The following CNTLN variants were observed in gnomAD, a reference collection of about 807,000 sequenced individuals.
CNTLN encodes centlein, also known as centlein, centrosomal protein.
CNTLN carries 212 observed loss-of-function variants against 180.0 expected under a neutral mutation model. That is an observed-to-expected ratio of 1.18 (90% CI 1.05 to 1.32). The LOEUF (loss-of-function observed/expected upper bound fraction) is 1.32. Ranked by LOEUF, CNTLN falls within the 40% of genes most tolerant of loss-of-function variation. The pLI, the probability that CNTLN is intolerant of heterozygous loss-of-function variation, is 0.00. For synonymous variants in CNTLN, 722 were observed against 563.1 expected (o/e 1.28, Z -3.99); for missense variants, 2,095 against 1,610.9 (o/e 1.30, Z -5.14).
intron 6 of CNTLN, among the ~76,000 whole-genome samples, chr9:17,294,427 T>TC (rs148377579): frequency 0.47 from 71,649 of 151,334 alleles, 18,153 homozygotes; most frequent in African/African-American, 0.66. Context: ...GTTCTCCAAG[T>TC]CCCACTAGAT....
intron 10 of CNTLN, among the ~76,000 whole-genome samples, chr9:17,333,441 C>A (rs2133134539): frequency 6.6e-6 from 1 of 152,088 alleles, no homozygotes; most frequent in Non-Finnish European, 1.5e-5. Context: ...GAAGTTTAAT[C>A]ATATAATTCT....
At chr9:17,294,723 G>C in intron 6 of CNTLN, among the ~76,000 whole-genome samples, 1 of 136,622 alleles carries the variant, frequency 7.3e-6, no homozygotes, top group South Asian at 2.7e-4. Context: ...CGTGGAGCAG[G>C]GGGCAGAGCT....
At chr9:17,224,807 A>G (rs58125347) in intron 2 of CNTLN, among the ~76,000 whole-genome samples, 15,812 of 151,186 alleles carry the variant, frequency 0.1, 1,237 homozygotes, top group African/African-American at 0.22. Flanking sequence ...CTTTTTCATT[A>G]TATTTGGTTA....
At chr9:17,302,796 G>C (rs1028536527) in intron 7 of CNTLN, among the ~76,000 whole-genome samples, 1 of 152,080 alleles carries the variant, frequency 6.6e-6, no homozygotes, top group African/African-American at 2.4e-5. Flanking sequence ...TGAAAAATGT[G>C]GAGAAACAAA....
At chr9:17,257,023 T>C (rs1045250930) in intron 5 of CNTLN, among the ~76,000 whole-genome samples, 1 of 151,992 alleles carries the variant, frequency 6.6e-6, no homozygotes, top group African/African-American at 2.4e-5. Context: ...ATGTGCACAT[T>C]GTGCAGGTTA....
chr9:17,428,396 A>T (rs1829221480), intron 18 of CNTLN, among the ~76,000 whole-genome samples: 1 of 152,190 alleles, frequency 6.6e-6, no homozygotes, highest in African/African-American at 2.4e-5. Flanking sequence ...TTTTCACAAC[A>T]TCCCTGTGAG....
At chr9:17,400,378 C>G (rs1192908189) in intron 15 of CNTLN, among the ~76,000 whole-genome samples, 1 of 152,146 alleles carries the variant, frequency 6.6e-6, no homozygotes, top group Non-Finnish European at 1.5e-5. Flanking sequence ...ACCTCGTGAT[C>G]TGCCTGCCTC....
At chr9:17,244,949 C>T (rs1825715749) in intron 5 of CNTLN, among the ~76,000 whole-genome samples, 1 of 152,140 alleles carries the variant, frequency 6.6e-6, no homozygotes, top group Non-Finnish European at 1.5e-5. Flanking sequence ...CTCTAATCTT[C>T]ATCCTGTTTT....
rs544635177 is a variant in CNTLN at position 17,243,635 on chromosome 9, T to C, written c.849+7047T>C. On this transcript the variant is annotated intron_variant, in intron 5 of 25. Transcript: ENST00000380647. ...TGTGTCATTTCCAAAATTTTTCTTG[T>C]TACTTATTTCTAGTTTTATTCCACT... Among the ~76,000 whole-genome samples the C allele has an allele frequency of 3.2e-4, 48 of 152,342 alleles. 1 individual carries two copies. The highest frequency in any genetic ancestry group is 1.1e-3 in the African/African-American group (47 of 41,580).
intron 25 of CNTLN, among the ~76,000 whole-genome samples, chr9:17,497,917 C>T (rs1252311465): frequency 6.6e-6 from 1 of 152,084 alleles, no homozygotes; most frequent in East Asian, 1.9e-4. Flanking sequence ...AATGCATATA[C>T]CAAATGTTGC....
the CNTLN span, among the ~76,000 whole-genome samples, chr9:17,514,339 A>G: frequency 6.6e-6 from 1 of 152,166 alleles, no homozygotes; most frequent in Non-Finnish European, 1.5e-5. Flanking sequence ...GTAGAAAGTC[A>G]AATAAACCGT....
intron 6 of CNTLN, among the ~76,000 whole-genome samples, chr9:17,294,167 C>T (rs1022702421): frequency 6.6e-6 from 1 of 151,984 alleles, no homozygotes; most frequent in Admixed American, 6.6e-5. Context: ...CAGTGTGGAT[C>T]CAAAGAGTGA....
chr9:17,486,122 C>G (rs1249696275), intron 24 of CNTLN, among the ~76,000 whole-genome samples: 1 of 152,068 alleles, frequency 6.6e-6, no homozygotes, highest in Non-Finnish European at 1.5e-5. Context: ...TCATTATAGA[C>G]CAGAGCTTAT....
At chr9:17,204,010 C>G (rs1822741762) in intron 2 of CNTLN, among the ~76,000 whole-genome samples, 1 of 152,202 alleles carries the variant, frequency 6.6e-6, no homozygotes, top group African/African-American at 2.4e-5. Context: ...TCAGCTCCAT[C>G]AGGTCATTTA....
intron 25 of CNTLN, among the ~76,000 whole-genome samples, chr9:17,499,447 T>C (rs955168352): frequency 2.0e-5 from 3 of 152,220 alleles, no homozygotes; most frequent in African/African-American, 7.2e-5. Context: ...CAGAATTGTT[T>C]TGTGTACAAT....
Position 17,340,921 on chromosome 9 carries a change from TA to T in CNTLN, c.1743del (p.Lys581AsnfsTer9). The T allele has an allele frequency of 6.2e-7, 1 of 1,611,138 alleles. No homozygotes were observed. Among genetic ancestry groups the T allele is most frequent in the Non-Finnish European group, 8.5e-7 (1 of 1,178,568 alleles). On this transcript the variant is annotated frameshift_variant, in exon 11 of 26. Coordinates refer to ENST00000380647, the MANE Select transcript of CNTLN (RefSeq NM_017738.4). LOFTEE classifies it high-confidence loss of function. The stretch of plus-strand genomic sequence containing the variant: ...AACTACAGAGCAGTAAAAGAGCAAT[TA>T]AAACAGTGGGAAGAAGGCAGTGGCA... ...QTNYRAVKEQLKQWEEGSGMT... is the reference protein window; with the variant it reads ...QTNYRAVKEQXKQWEEGSGMT...
chr9:17,216,385 C>G (rs944249506), intron 2 of CNTLN, among the ~76,000 whole-genome samples: 1 of 151,996 alleles, frequency 6.6e-6, no homozygotes, highest in African/African-American at 2.4e-5. Flanking sequence ...ATTTTCAGTT[C>G]TTTTCCTCCT....
intron 15 of CNTLN, among the ~76,000 whole-genome samples, chr9:17,407,427 G>A (rs1827479753): frequency 6.6e-6 from 1 of 152,154 alleles, no homozygotes; most frequent in African/African-American, 2.4e-5. Context: ...TTCCATCAAA[G>A]CATGTTTATC....
intron 2 of CNTLN, among the ~76,000 whole-genome samples, chr9:17,197,992 T>C (rs184954106): frequency 0.019 from 2,842 of 152,266 alleles, 57 homozygotes; most frequent in African/African-American, 0.049. Context: ...TTGAAGAGAC[T>C]CTCCTTTCCC....
Sources: allele counts gnomAD v4.1 joint callset (sites outside exome capture counted in the v4.1 genomes callset), GRCh38; gene constraint gnomAD v4.1.1; transcripts MANE v1.5; gene names NCBI Gene and HGNC (gene_info 2026-07-23, HGNC 2026-07-21).